CPXM2: variants seen among roughly 807,000 people sequenced by gnomAD.
CPXM2 encodes the protein carboxypeptidase X, M14 family member 2.
Under a neutral mutation model 86.1 loss-of-function variants are expected in CPXM2, and 66 were observed. The observed-to-expected ratio is 0.77, with a 90% CI of 0.63 to 0.94. The LOEUF (loss-of-function observed/expected upper bound fraction) is 0.94, where lower values mean the gene tolerates loss of function less well. Among genes scored for constraint, CPXM2 ranks in the 40% least tolerant of loss-of-function variants. The pLI, the probability that CPXM2 is intolerant of heterozygous loss-of-function variation, is 0.00. For missense variants in CPXM2, 948 were observed against 1,026.3 expected (o/e 0.92, Z 1.04); for synonymous variants, 388 against 400.2 (o/e 0.97, Z 0.36).
At chr10:123,815,396 T>G (rs1847792834) in intron 4 of CPXM2, among the ~76,000 whole-genome samples, 1 of 152,204 alleles carries the variant, frequency 6.6e-6, no homozygotes, top group South Asian at 2.1e-4. Flanking sequence ...ATCAGATGTT[T>G]AGTGTTAAAG....
chr10:123,794,734 C>CAT (rs1847287453), intron 6 of CPXM2, among the ~76,000 whole-genome samples: 4 of 141,244 alleles, frequency 2.8e-5, no homozygotes, highest in Admixed American at 1.4e-4. Context: ...TATTTAAGAC[C>CAT]GTGTGTGTGT....
chr10:123,886,616 C>G (rs1156359187), intron 1 of CPXM2, among the ~76,000 whole-genome samples: 5 of 152,178 alleles, frequency 3.3e-5, no homozygotes, highest in African/African-American at 1.2e-4. Context: ...CACATTCAAA[C>G]AGCGGTGCAT....
intron 2 of CPXM2, among the ~76,000 whole-genome samples, chr10:123,937,079 C>G (rs111711306): frequency 2.5e-4 from 38 of 152,318 alleles, no homozygotes; most frequent in African/African-American, 8.4e-4. Context: ...AAATTCTAAA[C>G]ACACAGCAAT....
chr10:123,762,330 G>A (rs1190242492), intron 10 of CPXM2, among the ~76,000 whole-genome samples, 161 bp from the exon 11 acceptor site: 3 of 152,166 alleles, frequency 2.0e-5, no homozygotes, highest in African/African-American at 4.8e-5. Context: ...AGGAGACTTA[G>A]AAAGACTCAT....
At chr10:123,809,596 TAC>T (rs777649652) in intron 4 of CPXM2, among the ~76,000 whole-genome samples, 3 of 151,994 alleles carry the variant, frequency 2.0e-5, no homozygotes, top group African/African-American at 4.8e-5. Context: ...ATAGATAACA[TAC>T]ACACACACAT....
At chr10:123,794,095 C>T (rs945882569) in intron 6 of CPXM2, among the ~76,000 whole-genome samples, 1 of 152,190 alleles carries the variant, frequency 6.6e-6, no homozygotes, top group African/African-American at 2.4e-5. Context: ...TGCTCTTGGC[C>T]GACTTGGAGG....
At chr10:123,826,308 A>G (rs1466335526) in intron 4 of CPXM2, among the ~76,000 whole-genome samples, 2 of 152,160 alleles carry the variant, frequency 1.3e-5, no homozygotes, top group African/African-American at 4.8e-5. Flanking sequence ...GGTTAAGAGC[A>G]CTTCCCAGTT....
chr10:123,901,176 A>G (rs1945377834), intron 2 of CPXM2, among the ~76,000 whole-genome samples: 1 of 152,226 alleles, frequency 6.6e-6, no homozygotes, highest in Admixed American at 6.5e-5. Flanking sequence ...AGATCATAAT[A>G]CTGAACATAC....
chr10:123,854,341 AATAT>A (rs200616929), intron 3 of CPXM2, among the ~76,000 whole-genome samples: 24 of 126,042 alleles, frequency 1.9e-4, no homozygotes, highest in African/African-American at 7.1e-4. Flanking sequence ...CTAGTGAACA[AATAT>A]ATATATATAT....
At chr10:123,806,039 G>A (rs933636149) in intron 4 of CPXM2, among the ~76,000 whole-genome samples, 5 of 152,094 alleles carry the variant, frequency 3.3e-5, no homozygotes, top group Admixed American at 3.3e-4. Flanking sequence ...TGTAGTTAAT[G>A]ATTATAAACC....
chr10:123,930,914 G>A lies in CPXM2; in HGVS notation n.174+8563C>T, dbSNP rs149698956. On this transcript the variant is annotated intron_variant and non_coding_transcript_variant, in intron 2 of 19. Transcript: ENST00000368854. ...CTTGGCAAGGAGAAATAAATCTTTCGTTCCCACAGCAGCTGATCTGAGGGC... is the reference window on the plus strand; with the variant it reads ...CTTGGCAAGGAGAAATAAATCTTTCATTCCCACAGCAGCTGATCTGAGGGC... 7.8e-3 allele frequency among the ~76,000 whole-genome samples: 1,183 copies of A among 152,268 alleles called. 14 individuals carry two copies. The highest frequency in any genetic ancestry group is 0.027 in the African/African-American group (1,112 of 41,544).
chr10:123,817,904 C>G (rs536911474), intron 4 of CPXM2, among the ~76,000 whole-genome samples: 14 of 152,320 alleles, frequency 9.2e-5, no homozygotes, highest in African/African-American at 3.1e-4. Flanking sequence ...GTGGGCAGAA[C>G]TTTGAGCAGT....
At chr10:123,929,169 A>C (rs1945646424) in intron 2 of CPXM2, among the ~76,000 whole-genome samples, 1 of 152,248 alleles carries the variant, frequency 6.6e-6, no homozygotes, top group Non-Finnish European at 1.5e-5. Context: ...GTGCCAGGAC[A>C]GATGATGGCT....
intron 3 of CPXM2, among the ~76,000 whole-genome samples, chr10:123,851,768 CA>C (rs58638640): frequency 0.2 from 19,678 of 100,834 alleles, 1,206 homozygotes; most frequent in Middle Eastern, 0.29. Context: ...GACATCATCT[CA>C]AAAAAAAAAA....
rs1367013649 is a variant in CPXM2, at chr10:123,885,352, A to G, written c.305-5043T>C. 3.9e-5 allele frequency among the ~76,000 whole-genome samples: 6 copies of G among 152,138 alleles called. No homozygotes were observed. Among genetic ancestry groups the G allele is most frequent in the Non-Finnish European group, 7.4e-5 (5 of 68,022 alleles). On this transcript the variant is annotated intron_variant, in intron 1 of 13. Transcript: ENST00000241305. This position sits in a 1 kb window ranked among gnomAD's most constrained non-coding sequence, Gnocchi z 4.0. ...CCTCCTCCAAAAGCTCGGGTTATTA[A>G]TTGTTCCCATGCCATCGTGAGGAAC...
intron 6 of CPXM2, among the ~76,000 whole-genome samples, chr10:123,786,283 G>A (rs1288978728): frequency 2.0e-5 from 3 of 152,224 alleles, no homozygotes; most frequent in Admixed American, 1.3e-4. Context: ...CTCAAGGCTC[G>A]TGGAAGGAGC....
At chr10:123,896,415 G>A (rs75226411), upstream of CPXM2, among the ~76,000 whole-genome samples, 266 of 152,246 alleles carry the variant, frequency 1.7e-3, 1 homozygote, top group African/African-American at 5.3e-3. Context: ...GGTTTTTCTC[G>A]TTCATTACTG....
chr10:123,777,042 G>C (rs1022578074), intron 7 of CPXM2: 29 of 152,394 alleles, frequency 1.9e-4, no homozygotes, highest in African/African-American at 7.0e-4. Context: ...GAAGGGAAGA[G>C]GGAAGGAATG....
rs755603645 is a variant in CPXM2 at position 123,767,090 on chromosome 10, G to A, written c.1362C>T (p.Asn454=). Residue 454 remains asparagine (N), a synonymous_variant, in exon 10 of 14, where the codon AAC becomes AAT. Transcript: ENST00000241305. ...RWTHDGIDIN[N]NFPDLNTLLW... The stretch of plus-strand genomic sequence containing the variant: ...GCAGCGTGTTTAAATCAGGAAAGTT[G>A]TTGTTGATGTCAATTCCATCGTGGG... 1.1e-5 allele frequency: 17 copies of A among 1,614,074 alleles called. No individual in the cohort carries two copies. Among genetic ancestry groups the A allele is most frequent in the Non-Finnish European group, 1.4e-5 (17 of 1,180,040 alleles).
Sources: allele counts gnomAD v4.1 joint callset (sites outside exome capture counted in the v4.1 genomes callset), GRCh38; gene constraint gnomAD v4.1.1; non-coding constraint Gnocchi (gnomAD v3.1); transcripts MANE v1.5; gene names NCBI Gene and HGNC (gene_info 2026-07-23, HGNC 2026-07-21).